The following LCORL variants were observed in gnomAD, a reference collection of about 807,000 sequenced individuals.
LCORL encodes ligand dependent nuclear receptor corepressor like.
In LCORL, 41 loss-of-function variants were observed where a neutral mutation model predicts 141.8. That is an observed-to-expected ratio of 0.29 (90% CI 0.23 to 0.38). The LOEUF is 0.38. Among genes scored for constraint, LCORL ranks in the 10% least tolerant of loss-of-function variants. The pLI is 1.00. For synonymous variants in LCORL, 618 were observed against 694.1 expected (o/e 0.89, Z 1.72); for missense variants, 1,759 against 2,035.0 (o/e 0.86, Z 2.61).
chr4:17,910,165 A>G lies in LCORL; in HGVS notation c.431-820T>C, dbSNP rs1018209384. Among the ~76,000 whole-genome samples, 4 of 152,202 alleles carry G rather than the reference A, an allele frequency of 2.6e-5. No individual in the cohort carries two copies. In the East Asian group the frequency reaches 7.7e-4, roughly 29 times the overall value. ...TAATACAACTCTGTCTGAAACTTAT[A>G]TAATTGGTAAAACAACTGAATGATT... On this transcript the variant is annotated intron_variant, in intron 4 of 7. Coordinates refer to ENST00000635767, the Ensembl canonical transcript of LCORL.
chr4:17,986,549 T>A (rs1193119603), intron 1 of LCORL, among the ~76,000 whole-genome samples: 1 of 152,200 alleles, frequency 6.6e-6, no homozygotes, highest in Non-Finnish European at 1.5e-5. Flanking sequence ...TCTATTCTGC[T>A]GTTACTACTT....
At chr4:18,010,420 ATATG>A (rs1560481093) in intron 1 of LCORL, among the ~76,000 whole-genome samples, 1 of 151,796 alleles carries the variant, frequency 6.6e-6, no homozygotes, top group Non-Finnish European at 1.5e-5. Flanking sequence ...GTGTATATAT[ATATG>A]TATGTATGTA....
In LCORL at chr4:17,922,017, G is replaced by A. The variant is rs374513878; in HGVS notation, c.431-12672C>T. On this transcript the variant is annotated intron_variant, in intron 4 of 7. Coordinates refer to ENST00000635767, the Ensembl canonical transcript of LCORL. ...ACCACAGACTGAAGGCTGCACTGTC[G>A]GCTTCCCTACTTTTGAGGTTTTGGG... 1.7e-4 allele frequency among the ~76,000 whole-genome samples: 26 copies of A among 152,226 alleles called. No individual in the cohort carries two copies. In the South Asian group the frequency reaches 3.7e-3, roughly 22 times the overall value.
At chr4:17,933,595 A>G (rs976360810) in intron 4 of LCORL, among the ~76,000 whole-genome samples, 2 of 151,996 alleles carry the variant, frequency 1.3e-5, no homozygotes, top group Non-Finnish European at 2.9e-5. Context: ...GTGTTTTATC[A>G]TATCTGCCAA....
At chr4:17,851,237 C>T (rs555341579) in intron 7 of LCORL, among the ~76,000 whole-genome samples, 38 of 151,664 alleles carry the variant, frequency 2.5e-4, no homozygotes, top group African/African-American at 8.2e-4. Context: ...ATGTAAGAAA[C>T]CTGCATGTTG....
intron 1 of LCORL, among the ~76,000 whole-genome samples, chr4:17,988,033 G>A (rs1430811234): frequency 6.6e-6 from 1 of 152,186 alleles, no homozygotes; most frequent in Non-Finnish European, 1.5e-5. Context: ...CCTGGTGGAA[G>A]ATGACTGATT....
intron 1 of LCORL, among the ~76,000 whole-genome samples, chr4:18,020,304 G>T (rs1430109445): frequency 6.6e-6 from 1 of 152,038 alleles, no homozygotes; most frequent in Non-Finnish European, 1.5e-5. Flanking sequence ...TGGAAACAAG[G>T]TAAGAGAGTT....
chr4:17,848,558 G>C (rs1723206150), intron 7 of LCORL, among the ~76,000 whole-genome samples: 2 of 152,204 alleles, frequency 1.3e-5, no homozygotes, highest in Admixed American at 1.3e-4. Context: ...AGCCAAGATG[G>C]CCAAATAGGA....
At chr4:17,985,458 G>T (rs1718793879) in intron 1 of LCORL, among the ~76,000 whole-genome samples, 1 of 152,102 alleles carries the variant, frequency 6.6e-6, no homozygotes, top group Non-Finnish European at 1.5e-5. Flanking sequence ...CCTCTGCTGG[G>T]TGCATATATA....
At chr4:17,922,119 T>C (rs1332459244) in intron 4 of LCORL, among the ~76,000 whole-genome samples, 3 of 152,190 alleles carry the variant, frequency 2.0e-5, no homozygotes, top group Non-Finnish European at 2.9e-5. Context: ...TGTGAGTCAA[T>C]ACTCTTCAAT....
intron 4 of LCORL, among the ~76,000 whole-genome samples, chr4:17,915,078 CCTTTT>C (rs1022218275): frequency 2.6e-4 from 39 of 152,150 alleles, no homozygotes; most frequent in African/African-American, 8.9e-4. Flanking sequence ...CTTCTCCCCT[CCTTTT>C]ATTTTCTCTT....
chr4:17,981,829 GA>G (rs1718040835), intron 1 of LCORL, among the ~76,000 whole-genome samples: 1 of 152,070 alleles, frequency 6.6e-6, no homozygotes, highest in Non-Finnish European at 1.5e-5. Context: ...GTTTGGTGTA[GA>G]CTATTTCATC....
intron 4 of LCORL, among the ~76,000 whole-genome samples, chr4:17,949,271 G>C (rs1397548432): frequency 6.6e-6 from 1 of 152,106 alleles, no homozygotes; most frequent in Non-Finnish European, 1.5e-5. Context: ...CTCAGCCATA[G>C]TGATGCTAAG....
At chr4:17,842,111 AAATT>A (rs1553852034) in exon 8 of LCORL, 2 of 515,336 alleles carry the variant, frequency 3.9e-6, no homozygotes, top group Non-Finnish European at 7.1e-6. Flanking sequence ...CTTACAAAAT[AAATT>A]AAGTTTTAAT....
intron 1 of LCORL, among the ~76,000 whole-genome samples, chr4:17,982,693 A>C (rs6835186): frequency 0.24 from 35,878 of 152,074 alleles, 5,372 homozygotes; most frequent in African/African-American, 0.42. Context: ...GCATAGTTTG[A>C]AAATATTTTC....
chr4:17,944,511 T>C (rs1327829277), intron 4 of LCORL, among the ~76,000 whole-genome samples: 1 of 152,202 alleles, frequency 6.6e-6, no homozygotes, highest in East Asian at 1.9e-4. Flanking sequence ...GCTCAAATTG[T>C]TGCAACTCTG....
At chr4:17,863,144 C>T (rs1012027700) in intron 7 of LCORL, among the ~76,000 whole-genome samples, 1 of 152,066 alleles carries the variant, frequency 6.6e-6, no homozygotes, top group African/African-American at 2.4e-5. Context: ...GGTGAAAACC[C>T]ATCTCTACTA....
chr4:17,950,543 C>G (rs1344133622), intron 4 of LCORL, among the ~76,000 whole-genome samples: 1 of 152,060 alleles, frequency 6.6e-6, no homozygotes, highest in Non-Finnish European at 1.5e-5. Context: ...ATTAGCCAAT[C>G]AGGCTTGGAG....
At chr4:17,870,857 C>A (rs1560271869) in intron 7 of LCORL, among the ~76,000 whole-genome samples, 1 of 152,086 alleles carries the variant, frequency 6.6e-6, no homozygotes, top group Non-Finnish European at 1.5e-5. Flanking sequence ...ATATATACAG[C>A]AGTACAAATG....
Sources: gnomAD v4.1 joint callset for allele counts (sites outside exome capture counted in the v4.1 genomes callset) on GRCh38, gnomAD v4.1.1 for gene constraint, MANE v1.5 for transcripts, NCBI Gene and HGNC (gene_info 2026-07-23, HGNC 2026-07-21) for gene names.